Variants in ACSL6 observed in about 807,000 individuals in gnomAD.
The protein encoded by ACSL6 is long-chain-fatty-acid--CoA ligase 6.
Under a neutral mutation model 98.2 loss-of-function variants are expected in ACSL6, and 47 were observed. The observed-to-expected ratio is 0.48, with a 90% CI of 0.38 to 0.61. ACSL6 has a LOEUF of 0.61. ACSL6 is among the 20% of genes least tolerant of loss of function. The probability of loss-of-function intolerance (pLI) is 0.00; values close to 1 mark genes in which losing one functional copy is unlikely to be tolerated. For synonymous variants in ACSL6, 362 were observed against 336.9 expected, an observed-to-expected ratio of 1.07 and a Z score of -0.82; for missense variants, 761 against 913.4, an observed-to-expected ratio of 0.83 and a Z score of 2.15.
In ACSL6 at chr5:131,959,593, G is replaced by A. The variant is rs1230221511; in HGVS notation, c.1974C>T (p.Ala658=). Residue 658 remains alanine, a synonymous_variant, in exon 20 of 21, where the codon GCC becomes GCT. Coordinates refer to ENST00000651883, the MANE Select transcript of ACSL6 (RefSeq NM_001009185.3). The part of the protein sequence containing the change: ...DLCTNKDLKK[A]ILEDMVRLGK... ...CTAACCTCACCATATCTTCCAAAAT[G>A]GCTTTCTTCAGATCCTGAATCAAAC... The A allele has an allele frequency of 3.7e-6, 6 of 1,614,108 alleles. No individual in the cohort carries two copies. The highest frequency in any genetic ancestry group is 2.7e-5 in the African/African-American group (2 of 75,012).
chr5:131,981,604 C>T (rs1176732148), intron 9 of ACSL6, among the ~76,000 whole-genome samples: 1 of 152,180 alleles, frequency 6.6e-6, no homozygotes, highest in Non-Finnish European at 1.5e-5. Context: ...ATCATACAAT[C>T]TTTTGTGCCT....
intron 9 of ACSL6, among the ~76,000 whole-genome samples, chr5:131,980,071 T>C (rs902965073): frequency 2.0e-5 from 3 of 152,190 alleles, no homozygotes; most frequent in African/African-American, 7.2e-5. Flanking sequence ...GGACTTGAGC[T>C]CAAGGTTTCT....
At chr5:131,990,720 G>A (rs1754456730) in intron 3 of ACSL6, 133 bp downstream of exon 3, 2 of 755,702 alleles carry the variant, frequency 2.6e-6, no homozygotes, top group African/African-American at 3.5e-5. Context: ...AAGGCCAGGA[G>A]TAGCTTCTCT....
At chr5:132,006,055 C>T (rs961740986) in intron 1 of ACSL6, among the ~76,000 whole-genome samples, 3 of 152,168 alleles carry the variant, frequency 2.0e-5, no homozygotes, top group Non-Finnish European at 4.4e-5. Context: ...ACAGTGATCT[C>T]GGAACACAAG....
intron 9 of ACSL6, chr5:131,983,827 A>T (rs1754026341): frequency 6.6e-6 from 1 of 152,298 alleles, no homozygotes; most frequent in Non-Finnish European, 1.5e-5. Flanking sequence ...AGCTTCCTAC[A>T]GTCTGGAAAA....
chr5:131,985,191 C>T (rs951862047), intron 9 of ACSL6: 4 of 600,814 alleles, frequency 6.7e-6, no homozygotes, highest in Non-Finnish European at 1.2e-5. Flanking sequence ...GCCAAGCCCT[C>T]ACACTGGACC....
In ACSL6 at chr5:132,011,455, A is replaced by G. The variant is rs2126982510; in HGVS notation, c.49+50T>C. ...CACCTCCACCTCGGGCGAAGACCTC[A>G]TAGCCTGCGGGAGATGGGAGTCCGG... On this transcript the variant is annotated intron_variant, in intron 1 of 20. Transcript: ENST00000651883. The surrounding 1 kb of genome is among the most constrained non-coding windows in gnomAD (Gnocchi z 5.4). The G allele has an allele frequency of 2.5e-6, 4 of 1,587,570 alleles. No homozygotes were observed. Among genetic ancestry groups the G allele is most frequent in the Non-Finnish European group, 3.5e-6 (4 of 1,157,968 alleles).
chr5:131,992,172 A>C (rs1754560582), intron 2 of ACSL6, among the ~76,000 whole-genome samples: 1 of 152,206 alleles, frequency 6.6e-6, no homozygotes, highest in Admixed American at 6.5e-5. Context: ...ATGCACCGGC[A>C]GGAGGCACAG....
In ACSL6 at chr5:131,962,646, C is replaced by T. The variant is rs748644268; in HGVS notation, c.1746G>A (p.Lys582=). The T allele has an allele frequency of 3.1e-6, 5 of 1,613,978 alleles. No homozygotes were observed. In the African/African-American group the frequency reaches 4.0e-5, roughly 13 times the overall value. ...CTCCCTGAGCAAGTTTAAATATATG[C>T]TTTTTCCGATCAATAATTTTAAGAG... is the stretch of plus-strand genomic sequence containing the variant. The part of the protein sequence containing the change: ...AGTLKIIDRK[K]HIFKLAQGEY... Residue 582 remains lysine (K), a synonymous_variant, in exon 18 of 21, where the codon AAG becomes AAA. Coordinates refer to ENST00000651883, the MANE Select transcript of ACSL6 (RefSeq NM_001009185.3).
upstream of ACSL6, chr5:132,011,687 G>A: frequency 1.6e-6 from 2 of 1,269,080 alleles, no homozygotes; most frequent in South Asian, 3.6e-5. This position sits in a 1 kb window ranked among gnomAD's most constrained non-coding sequence, Gnocchi z 5.4. Context: ...CCGCCCTCCG[G>A]CCCCGCAGCT....
intron 17 of ACSL6, among the ~76,000 whole-genome samples, chr5:131,965,343 G>T (rs1449423152): frequency 3.3e-5 from 5 of 152,206 alleles, no homozygotes. Flanking sequence ...CCGGTACTGT[G>T]CTAAGTGCTT....
intron 15 of ACSL6, among the ~76,000 whole-genome samples, chr5:131,968,412 A>T (rs1012941399): frequency 9.2e-5 from 14 of 152,268 alleles, no homozygotes; most frequent in African/African-American, 3.4e-4. Context: ...TGGTTTGGGG[A>T]TCATAAAATA....
chr5:131,986,729 A>T, intron 8 of ACSL6, 93 bp downstream of exon 8: 1 of 1,486,126 alleles, frequency 6.7e-7, no homozygotes, highest in South Asian at 1.1e-5. Context: ...TTATTAACAC[A>T]GAGGTGCTGT....
rs532058565 is a variant in ACSL6 at position 131,974,813 on chromosome 5, G to A, written c.1068+80C>T. The A allele has an allele frequency of 3.5e-5, 56 of 1,613,098 alleles. No individual in the cohort carries two copies. The Admixed American group carries it at 6.5e-4, about 19-fold the overall frequency. On this transcript the variant is annotated intron_variant, in intron 11 of 20. Transcript: ENST00000651883. ...AGGCAAATAGGAAATGTGCACATCC[G>A]CACAAGTGGGAGCCCACTGACTCTG...
intron 1 of ACSL6, among the ~76,000 whole-genome samples, chr5:132,008,278 T>A (rs1157740969): frequency 6.6e-6 from 1 of 152,058 alleles, no homozygotes; most frequent in Non-Finnish European, 1.5e-5. Flanking sequence ...GAGCCCAGAG[T>A]GGGGTAAGGG....
upstream of ACSL6, chr5:132,011,659 GC>G (rs1366628274): frequency 7.9e-7 from 1 of 1,261,160 alleles, no homozygotes; most frequent in Non-Finnish European, 1.0e-6. This position sits in a 1 kb window ranked among gnomAD's most constrained non-coding sequence, Gnocchi z 5.4. Context: ...CGCCGCCGCT[GC>G]CGGGTATTTT....
chr5:131,955,427 A>G (rs964771056), intron 20 of ACSL6, among the ~76,000 whole-genome samples: 1 of 152,240 alleles, frequency 6.6e-6, no homozygotes, highest in Non-Finnish European at 1.5e-5. Flanking sequence ...TTGTTACAAA[A>G]CATAAACCAT....
chr5:131,993,949 G>A, intron 2 of ACSL6, 82 bp downstream of exon 2: 1 of 1,437,090 alleles, frequency 7.0e-7, no homozygotes, highest in Non-Finnish European at 9.6e-7. Context: ...GGTCAAATAA[G>A]CCACAAGTCT....
chr5:131,976,269 C>G, intron 10 of ACSL6: 1 of 971,378 alleles, frequency 1.0e-6, no homozygotes, highest in Non-Finnish European at 1.2e-6. Context: ...GAATTAAACC[C>G]TGACCTTTGA....
Sources: gnomAD v4.1 joint callset for allele counts (sites outside exome capture counted in the v4.1 genomes callset) on GRCh38, gnomAD v4.1.1 for gene constraint, Gnocchi (gnomAD v3.1) non-coding constraint, MANE v1.5 for transcripts, NCBI Gene and HGNC (gene_info 2026-07-23, HGNC 2026-07-21) for gene names.